The following COL5A1 variants were observed in gnomAD, a reference collection of about 807,000 sequenced individuals.
The protein encoded by COL5A1 is collagen alpha-1(V) chain.
Under a neutral mutation model 263.7 loss-of-function variants are expected in COL5A1, and 16 were observed. The observed-to-expected ratio is 0.06, with a 90% confidence interval of 0.04 to 0.09. The LOEUF (loss-of-function observed/expected upper bound fraction) is 0.09. Ranked by LOEUF, COL5A1 falls within the 10% of genes least tolerant of loss-of-function variation. The probability of loss-of-function intolerance (pLI) is 1.00; values close to 1 mark genes in which losing one functional copy is unlikely to be tolerated. For missense variants in COL5A1, 2,036 were observed against 2,540.5 expected (o/e 0.80, Z 4.27); for synonymous variants, 1,012 against 1,004.5 (o/e 1.01, Z -0.14).
intron 18 of COL5A1, among the ~76,000 whole-genome samples, chr9:134,760,306 A>ACT (rs143249494): frequency 0.057 from 2,696 of 46,994 alleles, 262 homozygotes; most frequent in African/African-American, 0.13. Flanking sequence ...CACCCCCCAC[A>ACT]CATACACACA....
At chr9:134,816,037 C>T (rs1838731599) in intron 52 of COL5A1, 49 bp downstream of exon 52, 3 of 1,580,498 alleles carry the variant, frequency 1.9e-6, no homozygotes, top group East Asian at 2.2e-5. Context: ...TCAGTGTATT[C>T]TTGGGACCTT....
intron 50 of COL5A1, 51 bp from the exon 51 acceptor site, chr9:134,815,525 C>T: frequency 1.3e-6 from 2 of 1,583,374 alleles, no homozygotes; most frequent in Non-Finnish European, 1.7e-6. Context: ...CGTGTGTGGT[C>T]TCAGTCAGGT....
At chr9:134,661,440 G>A (rs548515936) in intron 1 of COL5A1, among the ~76,000 whole-genome samples, 91 of 151,948 alleles carry the variant, frequency 6.0e-4, no homozygotes, top group African/African-American at 1.7e-3. Flanking sequence ...AGATGCTGAC[G>A]GATGGGCTGA....
chr9:134,699,174 G>A (rs1387908908), intron 2 of COL5A1, among the ~76,000 whole-genome samples: 1 of 152,176 alleles, frequency 6.6e-6, no homozygotes, highest in Admixed American at 6.5e-5. Context: ...ACGGATGAGG[G>A]GCAGATATGT....
chr9:134,828,200 G>A (rs1839373770), intron 63 of COL5A1, among the ~76,000 whole-genome samples: 1 of 152,132 alleles, frequency 6.6e-6, no homozygotes, highest in Non-Finnish European at 1.5e-5. Context: ...TCCCCTCAGA[G>A]GAATGGCTGC....
chr9:134,737,956 AG>A (rs1175595447), intron 9 of COL5A1, among the ~76,000 whole-genome samples: 4 of 152,036 alleles, frequency 2.6e-5, no homozygotes, highest in Non-Finnish European at 4.4e-5. Flanking sequence ...TCTTACCTGG[AG>A]GGAGGCGGGG....
In COL5A1 at chr9:134,763,717, A is replaced by G; in HGVS notation, c.2014A>G (p.Arg672Gly). 1.2e-6 allele frequency: 2 copies of G among 1,613,584 alleles called. No individual in the cohort carries two copies. The highest frequency in any genetic ancestry group is 1.7e-6 in the Non-Finnish European group (2 of 1,179,724). The change falls in exon 20 of 66, where the codon AGG (arginine) becomes GGG (glycine). Residue 672 changes from arginine to glycine, a missense_variant. Around this residue, in one of 3 missense-constraint regions of COL5A1, gnomAD observed 1,078 missense variants for 1,521.4 expected, o/e 0.71. Transcript: ENST00000371817. The stretch of plus-strand genomic sequence containing the variant: ...GGGTGACGACGGAGAAGTTGGGCCC[A>G]GGGGGCTGCCTGGGGAGCCCGTAAG... ...ERGDDGEVGP[R>G]GLPGEPGPRG... is the part of the protein sequence containing the mutation.
Position 134,674,429 on chromosome 9 carries a change from G to A in COL5A1, c.110-16483G>A, listed in dbSNP as rs532179015. Among the ~76,000 whole-genome samples, 3 of 152,300 alleles carry A rather than the reference G, an allele frequency of 2.0e-5. No homozygotes were observed. In the South Asian group the frequency reaches 6.2e-4, roughly 32 times the overall value. On this transcript the variant is annotated intron_variant, in intron 1 of 65. Coordinates refer to ENST00000371817, the MANE Select transcript of COL5A1 (RefSeq NM_000093.5). ...TTTATATGACATTTGAGAAAAGGCAGAACTGCAGGGACAGAAAAAAGATGA... is the reference window on the plus strand; with the variant it reads ...TTTATATGACATTTGAGAAAAGGCAAAACTGCAGGGACAGAAAAAAGATGA...
Position 134,774,211 on chromosome 9 carries a change from C to T in COL5A1, c.2332-648C>T, listed in dbSNP as rs903734362. Among the ~76,000 whole-genome samples the T allele has an allele frequency of 3.9e-5, 6 of 152,222 alleles. No homozygotes were observed. The South Asian group carries it at 1.0e-3, about 26-fold the overall frequency. The stretch of plus-strand genomic sequence containing the variant: ...GGATACAGCAGGGAGCAAGGCAGAC[C>T]GGGCCCGGGCCTCAGAGCTGCAGCC... On this transcript the variant is annotated intron_variant, in intron 26 of 65. Coordinates refer to ENST00000371817, the MANE Select transcript of COL5A1 (RefSeq NM_000093.5).
At chr9:134,760,461 A>T (rs1394925829) in intron 18 of COL5A1, among the ~76,000 whole-genome samples, 25 of 83,900 alleles carry the variant, frequency 3.0e-4, no homozygotes, top group African/African-American at 1.3e-3. Context: ...ACACCCACAC[A>T]CCCCCACATT....
rs369007381 is a variant in COL5A1 at position 134,687,968 on chromosome 9, C to T, written c.110-2944C>T. The stretch of plus-strand genomic sequence containing the variant: ...CCTGTCCCCAAAGCTTGTGCTGTGT[C>T]CAAGTGGAGTTTTCATCCTGATGGA... On this transcript the variant is annotated intron_variant, in intron 1 of 65. Transcript: ENST00000371817. 3.3e-5 allele frequency among the ~76,000 whole-genome samples: 5 copies of T among 152,326 alleles called. No individual in the cohort carries two copies. In the South Asian group the frequency reaches 6.2e-4, roughly 19 times the overall value.
chr9:134,784,870 G>A, intron 29 of COL5A1, 119 bp from the exon 30 acceptor site: 1 of 805,250 alleles, frequency 1.2e-6, no homozygotes, highest in Non-Finnish European at 2.1e-6. Context: ...AGCTGGTGGA[G>A]CAGCTCTGAC....
chr9:134,679,673 G>A (rs1332855303), intron 1 of COL5A1, among the ~76,000 whole-genome samples: 5 of 108,318 alleles, frequency 4.6e-5, no homozygotes, highest in Non-Finnish European at 9.4e-5. Context: ...GCACTGCGGG[G>A]CTTCTTGGGG....
chr9:134,798,568 G>C, intron 37 of COL5A1, 107 bp downstream of exon 37: 1 of 835,764 alleles, frequency 1.2e-6, no homozygotes, highest in Non-Finnish European at 1.9e-6. Flanking sequence ...CCTGGCCTGG[G>C]AGAGACAGGT....
Position 134,727,301 on chromosome 9 carries a change from C to T in COL5A1, c.690C>T (p.His230=). Residue 230 remains histidine, a synonymous_variant, in exon 5 of 66, where the codon CAC becomes CAT. Coordinates refer to ENST00000371817, the MANE Select transcript of COL5A1 (RefSeq NM_000093.5). The stretch of plus-strand genomic sequence containing the variant: ...AGCAGCTGCTCTTTGTCTCGGACCA[C>T]CGGGCAGCTTATGATTACTGTGAGC... ...DIQQLLFVSD[H]RAAYDYCEHY... The T allele has an allele frequency of 6.2e-7, 1 of 1,614,090 alleles. No individual in the cohort carries two copies. Among genetic ancestry groups the T allele is most frequent in the Non-Finnish European group, 8.5e-7 (1 of 1,179,992 alleles).
Position 134,821,250 on chromosome 9 carries a change from G to A in COL5A1, c.4555-847G>A, listed in dbSNP as rs528359212. 7.9e-5 allele frequency among the ~76,000 whole-genome samples: 12 copies of A among 152,208 alleles called. No individual in the cohort carries two copies. Among genetic ancestry groups the A allele is most frequent in the African/African-American group, 2.2e-4 (9 of 41,538 alleles). On this transcript the variant is annotated intron_variant, in intron 58 of 65. Coordinates refer to ENST00000371817, the MANE Select transcript of COL5A1 (RefSeq NM_000093.5). This position sits in a 1 kb window ranked among gnomAD's most constrained non-coding sequence, Gnocchi z 4.2. ...AAGCACCCCTGTGTCCACCCTGTTT[G>A]CTCACCTGCCCTCACCCCAAACCAT...
At chr9:134,812,790 G>C (rs2132848838) in intron 48 of COL5A1, 78 bp downstream of exon 48, 9 of 979,874 alleles carry the variant, frequency 9.2e-6, no homozygotes, top group East Asian at 2.7e-5. Flanking sequence ...GTGTGTGTCT[G>C]TGTGTATGTG....
intron 11 of COL5A1, among the ~76,000 whole-genome samples, chr9:134,744,573 A>G (rs938058500): frequency 6.6e-6 from 1 of 151,310 alleles, no homozygotes; most frequent in Non-Finnish European, 1.5e-5. Context: ...ATATACATGC[A>G]TGCACACACA....
intron 61 of COL5A1, 100 bp from the exon 62 acceptor site, chr9:134,824,500 G>T: frequency 6.7e-7 from 1 of 1,501,806 alleles, no homozygotes; most frequent in Non-Finnish European, 9.0e-7. Flanking sequence ...AGGCCCCAGG[G>T]AACCCCTGCA....
Sources: gnomAD v4.1 joint callset for allele counts (sites outside exome capture counted in the v4.1 genomes callset) on GRCh38, gnomAD v4.1.1 for gene constraint, gnomAD v4.1.1 regional missense constraint, Gnocchi (gnomAD v3.1) non-coding constraint, MANE v1.5 for transcripts, NCBI Gene and HGNC (gene_info 2026-07-23, HGNC 2026-07-21) for gene names.